The following MYO3B variants were observed in gnomAD, a reference collection of about 807,000 sequenced individuals.
MYO3B encodes the protein myosin-IIIb.
In MYO3B, 156 loss-of-function variants were observed where a neutral mutation model predicts 174.6. The ratio of observed to expected loss-of-function variants is 0.89; its 90% confidence interval spans 0.78 to 1.02. The LOEUF (loss-of-function observed/expected upper bound fraction) is 1.02, where lower values mean the gene tolerates loss of function less well. Ranked by LOEUF, MYO3B falls within the 50% of genes least tolerant of loss-of-function variation. The probability of loss-of-function intolerance (pLI) is 0.00; values close to 1 mark genes in which losing one functional copy is unlikely to be tolerated. For synonymous variants in MYO3B, 563 were observed against 569.1 expected (o/e 0.99, Z 0.15); for missense variants, 1,632 against 1,639.4 (o/e 1.00, Z 0.08).
intron 32 of MYO3B, among the ~76,000 whole-genome samples, chr2:170,570,410 A>G (rs1312233479): frequency 1.3e-5 from 2 of 152,138 alleles, no homozygotes. Flanking sequence ...AATCTTTTTT[A>G]TATTAGATCT....
rs1401547187 is a variant in MYO3B at position 170,563,135 on chromosome 2, CACACACACACAT to C, written c.3733+19159_3733+19170del. Among the ~76,000 whole-genome samples the C allele has an allele frequency of 7.9e-5, 12 of 151,698 alleles. No individual in the cohort carries two copies. The East Asian group carries it at 9.7e-4, about 12-fold the overall frequency. ...TCTCACACATACACACACACACACA[CACACACACACAT>C]ACACACACACACCCCAAGAATCAAA... On this transcript the variant is annotated intron_variant, in intron 32 of 34. Transcript: ENST00000408978.
chr2:170,261,890 A>T (rs2093348373), intron 7 of MYO3B, among the ~76,000 whole-genome samples: 1 of 152,214 alleles, frequency 6.6e-6, no homozygotes, highest in African/African-American at 2.4e-5. Context: ...ATAGGATAGC[A>T]TCAATAGAAG....
chr2:170,309,873 A>G (rs964993391), intron 7 of MYO3B, among the ~76,000 whole-genome samples: 1 of 152,184 alleles, frequency 6.6e-6, no homozygotes, highest in African/African-American at 2.4e-5. Context: ...AAACATTTTC[A>G]TCACCCCAAA....
chr2:170,204,756 C>T (rs1034020208), intron 3 of MYO3B, among the ~76,000 whole-genome samples: 10 of 151,972 alleles, frequency 6.6e-5, no homozygotes, highest in Admixed American at 3.3e-4. Flanking sequence ...GCAGAGTGGG[C>T]GGGAATAAAG....
intron 30 of MYO3B, among the ~76,000 whole-genome samples, chr2:170,532,658 C>T (rs1689427976): frequency 1.3e-5 from 2 of 151,292 alleles, no homozygotes; most frequent in Admixed American, 1.3e-4. Flanking sequence ...ACTAAAACTA[C>T]AAAAAAAATT....
At chr2:170,207,523 G>T (rs1261249159) in intron 3 of MYO3B, among the ~76,000 whole-genome samples, 1 of 152,078 alleles carries the variant, frequency 6.6e-6, no homozygotes, top group Non-Finnish European at 1.5e-5. Flanking sequence ...CAGGCTTTTG[G>T]GTTCCCTTCC....
intron 7 of MYO3B, among the ~76,000 whole-genome samples, chr2:170,289,049 G>C (rs1431948076): frequency 6.6e-6 from 1 of 152,000 alleles, no homozygotes; most frequent in Non-Finnish European, 1.5e-5. Flanking sequence ...TGCATTTCTG[G>C]GGTGAATCCC....
chr2:170,531,987 A>G (rs957001849), intron 30 of MYO3B, among the ~76,000 whole-genome samples: 3 of 152,254 alleles, frequency 2.0e-5, no homozygotes, highest in African/African-American at 7.2e-5. Context: ...GCATAGTCTC[A>G]GAGTAAGTCC....
chr2:170,179,911 A>G (rs1387673769), intron 1 of MYO3B, among the ~76,000 whole-genome samples: 1 of 152,208 alleles, frequency 6.6e-6, no homozygotes, highest in Non-Finnish European at 1.5e-5. Flanking sequence ...TTCCTCTGAC[A>G]TTTCACAGTT....
At chr2:170,628,501 A>C (rs570295328) in intron 32 of MYO3B, among the ~76,000 whole-genome samples, 1 of 152,180 alleles carries the variant, frequency 6.6e-6, no homozygotes, top group Non-Finnish European at 1.5e-5. Context: ...TTCCTGGATG[A>C]GGCAATGCCT....
intron 7 of MYO3B, among the ~76,000 whole-genome samples, chr2:170,327,548 C>T (rs2093877919): frequency 6.6e-6 from 1 of 152,142 alleles, no homozygotes; most frequent in Admixed American, 6.6e-5. Context: ...GAGATGTGAT[C>T]TAGGAGCATT....
chr2:170,561,899 G>T (rs1235668857), intron 32 of MYO3B, among the ~76,000 whole-genome samples: 2 of 151,932 alleles, frequency 1.3e-5, no homozygotes, highest in African/African-American at 4.8e-5. Context: ...GCCAAGGCAG[G>T]TTGCTATAGT....
intron 22 of MYO3B, among the ~76,000 whole-genome samples, chr2:170,417,555 G>T (rs1211512734): frequency 6.6e-6 from 1 of 152,156 alleles, no homozygotes; most frequent in Non-Finnish European, 1.5e-5. Context: ...CCTTGTTCTG[G>T]AGGCTACAAG....
At chr2:170,586,616 G>A (rs1480035283) in intron 32 of MYO3B, among the ~76,000 whole-genome samples, 1 of 152,094 alleles carries the variant, frequency 6.6e-6, no homozygotes, top group African/African-American at 2.4e-5. Flanking sequence ...CCAAAGAAAT[G>A]GCTCATTATT....
At chr2:170,566,325 A>C (rs1223178445) in intron 32 of MYO3B, among the ~76,000 whole-genome samples, 1 of 152,244 alleles carries the variant, frequency 6.6e-6, no homozygotes, top group East Asian at 1.9e-4. Context: ...GTGTAAGTAC[A>C]TGGTGACAAA....
intron 28 of MYO3B, among the ~76,000 whole-genome samples, chr2:170,505,138 T>C (rs1687544031): frequency 6.6e-6 from 1 of 152,062 alleles, no homozygotes. Flanking sequence ...ACATTTCCTA[T>C]GTGTATAACA....
chr2:170,354,845 A>G (rs1348258314), intron 8 of MYO3B, among the ~76,000 whole-genome samples: 4 of 150,076 alleles, frequency 2.7e-5, no homozygotes, highest in African/African-American at 9.8e-5. Flanking sequence ...CCCAGACTCT[A>G]TTTGGCCGTC....
intron 32 of MYO3B, among the ~76,000 whole-genome samples, chr2:170,624,047 G>A (rs1467982437): frequency 1.3e-5 from 2 of 152,186 alleles, no homozygotes; most frequent in Non-Finnish European, 2.9e-5. Context: ...GATTGACTTG[G>A]CAATGTGGGC....
intron 25 of MYO3B, among the ~76,000 whole-genome samples, chr2:170,478,277 G>A (rs1575044868): frequency 6.6e-6 from 1 of 151,950 alleles, no homozygotes; most frequent in Admixed American, 6.6e-5. Flanking sequence ...TGGGGGAGGC[G>A]GTTAGTCATG....
Sources: allele counts gnomAD v4.1 joint callset (sites outside exome capture counted in the v4.1 genomes callset), GRCh38; gene constraint gnomAD v4.1.1; transcripts MANE v1.5; gene names NCBI Gene and HGNC (gene_info 2026-07-23, HGNC 2026-07-21).